The following USP50 variants were observed in gnomAD, a reference collection of about 807,000 sequenced individuals.
USP50 encodes ubiquitin specific peptidase 50.
USP50 carries 37 observed loss-of-function variants against 39.2 expected under a neutral mutation model. The ratio of observed to expected loss-of-function variants is 0.94; its 90% CI spans 0.73 to 1.24. The LOEUF (loss-of-function observed/expected upper bound fraction) is 1.24. Ranked by LOEUF, USP50 falls within the 50% of genes most tolerant of loss-of-function variation. The pLI is 0.00. For synonymous variants in USP50, 139 were observed against 144.5 expected (o/e 0.96, Z 0.27); for missense variants, 374 against 398.2 (o/e 0.94, Z 0.52).
chr15:50,529,824 A>T lies in USP50; in HGVS notation c.909T>A (p.Tyr303Ter), dbSNP rs762830933. 8.7e-6 allele frequency: 14 copies of T among 1,613,870 alleles called. No individual in the cohort carries two copies. The Admixed American group carries it at 2.2e-4, about 25-fold the overall frequency. ...CCACTGCACAGAGGTTGTATTTAGG[A>T]TATTTCCGGAAAATTGAGCAAATAT... Reference protein sequence around the residue: ...TPYICSIFRKYPKYNLCAVVN... With the variant: ...TPYICSIFRK The change falls in exon 6 of 7, where the codon TAT (tyrosine) becomes TAA (stop). Residue 303 changes from tyrosine to a stop codon, truncating the protein, a stop_gained. Transcript: ENST00000532404. LOFTEE classifies it high-confidence loss of function.
intron 3 of USP50, among the ~76,000 whole-genome samples, chr15:50,542,849 T>C (rs1361050877): frequency 6.6e-6 from 1 of 152,118 alleles, no homozygotes; most frequent in African/African-American, 2.4e-5. Flanking sequence ...ATGAGAACAA[T>C]TAATAGCTAT....
At chr15:50,533,350 G>A (rs1018779070) in intron 5 of USP50, among the ~76,000 whole-genome samples, 6 of 151,858 alleles carry the variant, frequency 4.0e-5, no homozygotes, top group African/African-American at 1.5e-4. Flanking sequence ...CCAAACCACA[G>A]ATACAGGAAG....
chr15:50,528,723 C>G (rs1257597211), intron 6 of USP50, among the ~76,000 whole-genome samples: 8 of 152,148 alleles, frequency 5.3e-5, no homozygotes, highest in Admixed American at 5.2e-4. Flanking sequence ...AAATACAGAA[C>G]TGATAATTTT....
intron 2 of USP50, among the ~76,000 whole-genome samples, chr15:50,544,358 G>A (rs899861906): frequency 1.3e-5 from 2 of 151,272 alleles, no homozygotes. Context: ...CGAGACCCTG[G>A]CTCAACAACA....
intron 5 of USP50, among the ~76,000 whole-genome samples, chr15:50,538,273 CAAAAAAAAAAAAAA>C (rs766139797): frequency 1.2e-4 from 2 of 17,304 alleles, no homozygotes; most frequent in African/African-American, 2.5e-4. Flanking sequence ...GAGACTGTCT[CAAAAAAAAAAAAAA>C]AAAAAAAAAA....
intron 5 of USP50, 117 bp from the exon 6 acceptor site, chr15:50,530,046 C>G (rs534240590): frequency 3.4e-5 from 48 of 1,413,044 alleles, no homozygotes; most frequent in Non-Finnish European, 4.5e-5. Context: ...GTGGCTCATG[C>G]CTGTAATCCC....
chr15:50,543,422 G>A (rs1395247091), intron 3 of USP50, among the ~76,000 whole-genome samples, 176 bp downstream of exon 3: 1 of 152,176 alleles, frequency 6.6e-6, no homozygotes, highest in African/African-American at 2.4e-5. Context: ...TGACAAGTAA[G>A]TTTGGTAAAT....
intron 1 of USP50, among the ~76,000 whole-genome samples, chr15:50,546,203 A>G (rs2053069634): frequency 6.6e-6 from 1 of 152,178 alleles, no homozygotes; most frequent in Non-Finnish European, 1.5e-5. Context: ...AAGTACAGTT[A>G]TGCCAGTTTG....
chr15:50,536,167 A>G (rs1294247015), intron 5 of USP50, among the ~76,000 whole-genome samples: 1 of 152,336 alleles, frequency 6.6e-6, no homozygotes, highest in South Asian at 2.1e-4. Flanking sequence ...GTATAGAGAC[A>G]GGGAAGTAAG....
At chr15:50,516,224 G>A (rs1311364674) in intron 6 of USP50, among the ~76,000 whole-genome samples, 1 of 152,106 alleles carries the variant, frequency 6.6e-6, no homozygotes, top group Non-Finnish European at 1.5e-5. Flanking sequence ...AAGAAACAAA[G>A]GCTCTACAAA....
intron 5 of USP50, among the ~76,000 whole-genome samples, chr15:50,537,832 C>G (rs2052991271): frequency 1.5e-5 from 2 of 133,760 alleles, no homozygotes; most frequent in Admixed American, 1.6e-4. Context: ...GCACTCCAGC[C>G]TGGGTGACAA....
chr15:50,532,514 T>TC (rs751076680), intron 5 of USP50, among the ~76,000 whole-genome samples: 4 of 151,826 alleles, frequency 2.6e-5, no homozygotes, highest in Non-Finnish European at 5.9e-5. Context: ...ACGCTTCCCC[T>TC]CCCCCTCCGC....
rs1016616020 is a variant in USP50 at position 50,543,686 on chromosome 15, A to C, written c.356T>G (p.Leu119Arg). Residue 119 changes from leucine to arginine, a missense_variant, in exon 3 of 7, where the codon CTC becomes CGC. By Grantham distance (102) the Leu-to-Arg change is moderately radical (BLOSUM62 -2). Coordinates refer to ENST00000532404, the MANE Select transcript of USP50 (RefSeq NM_203494.5). ...CATCTTTTTCGTAAATGCTGGGTAG[A>C]GGTTGCCAAGAGCTGACCAGAATAT... Reference protein sequence around the residue: ...PEIFWSALGNLYPAFTKKMQQ... With the variant: ...PEIFWSALGNRYPAFTKKMQQ... 2 of 1,613,138 alleles carry C rather than the reference A, an allele frequency of 1.2e-6. No individual in the cohort carries two copies. The highest frequency in any genetic ancestry group is 2.7e-5 in the African/African-American group (2 of 74,906).
chr15:50,499,397 TTC>T (rs2052532993), downstream of USP50: 1 of 201,656 alleles, frequency 5.0e-6, no homozygotes, highest in African/African-American at 2.3e-5. Flanking sequence ...TCTTTTTTTT[TTC>T]CTTTTCACTG....
chr15:50,515,243 T>C (rs1203758243), intron 6 of USP50, among the ~76,000 whole-genome samples: 1 of 151,934 alleles, frequency 6.6e-6, no homozygotes, highest in Non-Finnish European at 1.5e-5. Context: ...TGTTTTGTTG[T>C]TGTTGTTGTT....
At chr15:50,524,572 T>C (rs3098195) in intron 6 of USP50, among the ~76,000 whole-genome samples, 87,733 of 152,086 alleles carry the variant, frequency 0.58, 25,430 homozygotes, top group Admixed American at 0.63. Context: ...GAGCTATCAC[T>C]TCACACCTGT....
intron 6 of USP50, among the ~76,000 whole-genome samples, chr15:50,521,138 T>C (rs1489733607): frequency 2.0e-5 from 3 of 152,084 alleles, no homozygotes; most frequent in Non-Finnish European, 2.9e-5. Flanking sequence ...ACCTCCCTGG[T>C]GCAAGTGATA....
At chr15:50,508,226 T>C (rs927893652) in intron 6 of USP50, 4 of 151,996 alleles carry the variant, frequency 2.6e-5, no homozygotes, top group African/African-American at 9.7e-5. Context: ...AAATAAATTA[T>C]AAAAGTAAAA....
intron 6 of USP50, among the ~76,000 whole-genome samples, chr15:50,522,654 C>T (rs1007326365): frequency 6.6e-5 from 10 of 152,026 alleles, no homozygotes; most frequent in Admixed American, 2.0e-4. Context: ...TCAAGTTCAA[C>T]ATCATATTTT....
Sources: allele counts gnomAD v4.1 joint callset (sites outside exome capture counted in the v4.1 genomes callset), GRCh38; gene constraint gnomAD v4.1.1; transcripts MANE v1.5; gene names NCBI Gene and HGNC (gene_info 2026-07-23, HGNC 2026-07-21).